The following GLDC variants were observed in gnomAD, a reference collection of about 807,000 sequenced individuals.
GLDC encodes glycine decarboxylase, also known as glycine dehydrogenase (decarboxylating), mitochondrial.
In GLDC, 104 loss-of-function variants were observed where a neutral mutation model predicts 121.3. That is an observed-to-expected ratio of 0.86 (90% CI 0.73 to 1.01). GLDC has a LOEUF of 1.01. GLDC is among the 50% of genes least tolerant of loss of function. GLDC has a pLI of 0.00. For synonymous variants in GLDC, 546 were observed against 480.6 expected (o/e 1.14, Z -1.78); for missense variants, 1,429 against 1,306.6 (o/e 1.09, Z -1.44).
intron 3 of GLDC, among the ~76,000 whole-genome samples, chr9:6,611,065 T>C (rs1200830185): frequency 3.9e-5 from 6 of 152,226 alleles, no homozygotes; most frequent in Non-Finnish European, 8.8e-5. Context: ...CCAGGAGAAG[T>C]TCTACATGCT....
At chr9:6,625,366 A>G (rs969267254) in intron 2 of GLDC, among the ~76,000 whole-genome samples, 2 of 152,206 alleles carry the variant, frequency 1.3e-5, no homozygotes. Context: ...AACCAACTCA[A>G]TGGCTGACTT....
chr9:6,632,987 A>G (rs1819420212), intron 2 of GLDC, among the ~76,000 whole-genome samples: 1 of 151,826 alleles, frequency 6.6e-6, no homozygotes, highest in Non-Finnish European at 1.5e-5. Context: ...CCCTCCCTGC[A>G]GACCGATCAA....
intron 15 of GLDC, among the ~76,000 whole-genome samples, chr9:6,576,098 A>G (rs545245440): frequency 1.3e-5 from 2 of 152,336 alleles, no homozygotes; most frequent in South Asian, 2.1e-4. Flanking sequence ...GCTTGGCTAC[A>G]TCAAGCAAAG....
In GLDC at chr9:6,605,257, C is replaced by T. The variant is rs891398109; in HGVS notation, c.735G>A (p.Glu245=). The change falls in exon 6 of 25, where the codon GAG becomes GAA. Residue 245 remains glutamate, a synonymous_variant. Transcript: ENST00000321612. ...TRAKYTGVLT[E]LKLPCEMDFS... is the part of the protein sequence containing the mutation. ...AGTCCATTTCACAGGGTAACTTCAG[C>T]TCAGTGAGGACTCCAGTATATCTGG... The T allele has an allele frequency of 6.2e-7, 1 of 1,614,046 alleles. No individual in the cohort carries two copies. The highest frequency in any genetic ancestry group is 8.5e-7 in the Non-Finnish European group (1 of 1,179,902).
intron 2 of GLDC, among the ~76,000 whole-genome samples, chr9:6,630,996 C>G (rs1473093720): frequency 1.3e-5 from 2 of 152,154 alleles, no homozygotes; most frequent in South Asian, 2.1e-4. Context: ...TTGAATCGTT[C>G]GAGAAAGCCA....
intron 17 of GLDC, 142 bp from the exon 18 acceptor site, chr9:6,556,444 C>A: frequency 1.2e-5 from 8 of 688,392 alleles, no homozygotes; most frequent in South Asian, 8.5e-5. Context: ...AGTACAATGA[C>A]AGCAATAAAA....
chr9:6,532,904 C>T lies in GLDC; in HGVS notation c.*113G>A. The T allele has an allele frequency of 1.2e-6, 1 of 800,482 alleles. No homozygotes were observed. Among genetic ancestry groups the T allele is most frequent in the Admixed American group, 1.7e-5 (1 of 58,630 alleles). The allele number at this position is 800,482 out of a possible 1,614,324, so 49.6% of individuals were successfully genotyped here. ...CCTTGACAGAGATTACAGAGATATA[C>T]ACAGTATATAAAACTCCTACTTGAG... is the stretch of plus-strand genomic sequence containing the variant. On this transcript the variant is annotated 3_prime_UTR_variant, in exon 25 of 25. Coordinates refer to ENST00000321612, the MANE Select transcript of GLDC (RefSeq NM_000170.3).
intron 15 of GLDC, among the ~76,000 whole-genome samples, chr9:6,568,630 C>T (rs1392753611): frequency 6.6e-6 from 1 of 151,594 alleles, no homozygotes; most frequent in East Asian, 1.9e-4. Flanking sequence ...GGCGGATCAC[C>T]TGAGATCAGG....
At chr9:6,569,747 G>A (rs1445798659) in intron 15 of GLDC, among the ~76,000 whole-genome samples, 6 of 152,018 alleles carry the variant, frequency 3.9e-5, no homozygotes, top group East Asian at 3.9e-4. Flanking sequence ...AGGCCGAGGC[G>A]AGCGGATTAC....
chr9:6,637,912 C>T (rs190132961), intron 2 of GLDC, among the ~76,000 whole-genome samples: 37 of 149,114 alleles, frequency 2.5e-4, no homozygotes, highest in African/African-American at 9.1e-4. Flanking sequence ...TGGTCTTGAA[C>T]TACTCGGCTC....
intron 2 of GLDC, among the ~76,000 whole-genome samples, chr9:6,620,980 C>G (rs1223841132): frequency 6.6e-6 from 1 of 152,152 alleles, no homozygotes; most frequent in East Asian, 1.9e-4. Flanking sequence ...CAAGCCTGGG[C>G]AAGGCGGTGA....
At chr9:6,595,356 C>T (rs1214074398) in intron 8 of GLDC, among the ~76,000 whole-genome samples, 6 of 152,166 alleles carry the variant, frequency 3.9e-5, no homozygotes, top group Admixed American at 6.5e-5. Flanking sequence ...TTGACCATTA[C>T]GAAGGGCTTC....
intron 2 of GLDC, among the ~76,000 whole-genome samples, chr9:6,635,095 A>G (rs905949775): frequency 6.6e-6 from 1 of 152,214 alleles, no homozygotes; most frequent in Admixed American, 6.5e-5. Flanking sequence ...TGCTCATGCC[A>G]TAACTTCAGA....
intron 3 of GLDC, among the ~76,000 whole-genome samples, chr9:6,617,564 C>T (rs571300771): frequency 5.3e-5 from 8 of 152,140 alleles, no homozygotes; most frequent in Non-Finnish European, 1.0e-4. Context: ...AAAAAGAAGC[C>T]TTCATCAATG....
chr9:6,590,464 T>A (rs569247227), intron 11 of GLDC, among the ~76,000 whole-genome samples: 2 of 152,292 alleles, frequency 1.3e-5, no homozygotes, highest in South Asian at 4.2e-4. Context: ...CTCACTCTAC[T>A]AGTTCCCATG....
At chr9:6,540,710 T>C (rs543570142) in intron 21 of GLDC, 5 of 160,276 alleles carry the variant, frequency 3.1e-5, no homozygotes, top group African/African-American at 1.2e-4. Flanking sequence ...AACAAAGAAT[T>C]AGAAATACGC....
intron 2 of GLDC, among the ~76,000 whole-genome samples, chr9:6,636,566 C>G (rs1819506935): frequency 6.6e-6 from 1 of 151,940 alleles, no homozygotes; most frequent in Non-Finnish European, 1.5e-5. Flanking sequence ...CTTCCTGAGC[C>G]CAGGAATTCG....
chr9:6,610,483 C>G lies in GLDC; in HGVS notation c.471-127G>C, dbSNP rs60858072. The G allele has an allele frequency of 1.9e-3, 1,588 of 816,620 alleles. 19 individuals carry two copies. In the African/African-American group the frequency reaches 0.024, roughly 12 times the overall value. The allele number at this position is 816,620 out of a possible 1,614,324, so 50.6% of individuals were successfully genotyped here. ...TCTTGAGGAGAATTACATAACACAC[C>G]AGTAAGCTTCTTTTTGGCCTTTGTA... On this transcript the variant is annotated intron_variant, in intron 3 of 24. Transcript: ENST00000321612.
chr9:6,599,295 T>C (rs1459113451), intron 8 of GLDC, among the ~76,000 whole-genome samples: 1 of 151,820 alleles, frequency 6.6e-6, no homozygotes, highest in Non-Finnish European at 1.5e-5. Context: ...AATGGACTTA[T>C]GATCAGACGG....
Sources: gnomAD v4.1 joint callset for allele counts (sites outside exome capture counted in the v4.1 genomes callset) on GRCh38, gnomAD v4.1.1 for gene constraint, MANE v1.5 for transcripts, NCBI Gene and HGNC (gene_info 2026-07-23, HGNC 2026-07-21) for gene names.